Variants in EDIL3 observed in about 807,000 individuals in gnomAD.
EDIL3 encodes EGF-like repeat and discoidin I-like domain-containing protein 3.
EDIL3 carries 37 observed loss-of-function variants against 67.4 expected under a neutral mutation model. That is an observed-to-expected ratio of 0.55 (90% CI 0.42 to 0.72). EDIL3 has a LOEUF of 0.72. Ranked by LOEUF, EDIL3 falls within the 30% of genes least tolerant of loss-of-function variation. The pLI, the probability that EDIL3 is intolerant of heterozygous loss-of-function variation, is 0.00. For synonymous variants in EDIL3, 195 were observed against 196.3 expected (o/e 0.99, Z 0.05); for missense variants, 527 against 586.3 (o/e 0.90, Z 1.04).
At chr5:84,089,501 T>C (rs1201176796) in intron 6 of EDIL3, among the ~76,000 whole-genome samples, 3 of 152,226 alleles carry the variant, frequency 2.0e-5, no homozygotes, top group Non-Finnish European at 4.4e-5. Flanking sequence ...CTAGCTGGTA[T>C]CCTTGCTCAT....
At chr5:84,305,650 C>T (rs896187561) in intron 1 of EDIL3, among the ~76,000 whole-genome samples, 8 of 152,142 alleles carry the variant, frequency 5.3e-5, no homozygotes, top group African/African-American at 9.7e-5. Context: ...GAGGCCAAGA[C>T]GCGCGGCTCA....
intron 5 of EDIL3, among the ~76,000 whole-genome samples, chr5:84,133,680 A>AT (rs1286126832): frequency 6.6e-6 from 1 of 151,994 alleles, no homozygotes; most frequent in African/African-American, 2.4e-5. Flanking sequence ...TAGGACTTTA[A>AT]TTAGAAGAAT....
chr5:84,095,966 T>C, intron 6 of EDIL3, among the ~76,000 whole-genome samples: 1 of 152,070 alleles, frequency 6.6e-6, no homozygotes, highest in East Asian at 1.9e-4. Context: ...AATAAATCGT[T>C]ACAAATTTCT....
At chr5:84,013,737 T>C (rs1234416852) in intron 9 of EDIL3, among the ~76,000 whole-genome samples, 2 of 152,180 alleles carry the variant, frequency 1.3e-5, no homozygotes, top group Admixed American at 6.5e-5. Context: ...CGAGCTCACA[T>C]TGAATGGTGT....
At chr5:84,276,870 C>T (rs764957942) in intron 1 of EDIL3, among the ~76,000 whole-genome samples, 2 of 152,010 alleles carry the variant, frequency 1.3e-5, no homozygotes, top group Non-Finnish European at 2.9e-5. Context: ...ACACGCCTGC[C>T]GATGATATAC....
At chr5:83,986,298 A>G (rs1252323351) in intron 9 of EDIL3, among the ~76,000 whole-genome samples, 2 of 152,176 alleles carry the variant, frequency 1.3e-5, no homozygotes, top group Non-Finnish European at 2.9e-5. Context: ...TTATATTACC[A>G]AGTGTCTTCC....
intron 1 of EDIL3, among the ~76,000 whole-genome samples, chr5:84,332,763 A>G (rs1441106969): frequency 2.6e-5 from 4 of 152,168 alleles, no homozygotes; most frequent in Non-Finnish European, 5.9e-5. Flanking sequence ...TCTTATATTT[A>G]AGGTGCAAAC....
intron 6 of EDIL3, among the ~76,000 whole-genome samples, chr5:84,095,864 T>A (rs1295842388): frequency 6.6e-6 from 1 of 152,176 alleles, no homozygotes; most frequent in Non-Finnish European, 1.5e-5. Flanking sequence ...TGGCAGCCCC[T>A]CCCATCATAG....
At chr5:84,119,816 A>C (rs1479101721) in intron 5 of EDIL3, among the ~76,000 whole-genome samples, 1 of 151,984 alleles carries the variant, frequency 6.6e-6, no homozygotes, top group Non-Finnish European at 1.5e-5. Flanking sequence ...TGAATTCCAC[A>C]AATGAGAGTA....
At position 84,290,582 on chromosome 5, in the gene EDIL3, T is replaced by C. The variant is rs116092483; in HGVS notation, c.68-36370A>G. Among the ~76,000 whole-genome samples the C allele has an allele frequency of 6.3e-3, 963 of 152,254 alleles. 1 individual carries two copies. Among genetic ancestry groups the C allele is most frequent in the Non-Finnish European group, 9.8e-3 (669 of 68,016 alleles). On this transcript the variant is annotated intron_variant, in intron 1 of 10. Transcript: ENST00000296591. ...CCTCCCTGTACCAGGAAGAAAGAAA[T>C]ATTTTTCTTACCAGAGATGGTGAGT... is the stretch of plus-strand genomic sequence containing the variant.
intron 1 of EDIL3, among the ~76,000 whole-genome samples, chr5:84,358,373 G>A (rs1747530128): frequency 6.6e-6 from 1 of 152,112 alleles, no homozygotes; most frequent in Non-Finnish European, 1.5e-5. Context: ...AAGTTGCCCT[G>A]AAAGCAAGAA....
chr5:84,019,132 C>T (rs1580282103), intron 9 of EDIL3, among the ~76,000 whole-genome samples: 1 of 152,194 alleles, frequency 6.6e-6, no homozygotes, highest in East Asian at 1.9e-4. Context: ...ACAGCAAAGA[C>T]TTGGAACCAA....
rs562158447 is a variant in EDIL3 at position 84,273,263 on chromosome 5, C to T, written c.68-19051G>A. Among the ~76,000 whole-genome samples the T allele has an allele frequency of 7.2e-5, 11 of 152,210 alleles. No homozygotes were observed. In the South Asian group the frequency reaches 2.1e-3, roughly 29 times the overall value. ...CCTGACCCAATTCCTATCTTTAGGG[C>T]GCTAATGGTCCCAAGCCTGAGTTCC... On this transcript the variant is annotated intron_variant, in intron 1 of 10. Transcript: ENST00000296591.
intron 1 of EDIL3, among the ~76,000 whole-genome samples, chr5:84,285,258 G>A (rs1428419420): frequency 6.6e-6 from 1 of 152,154 alleles, no homozygotes; most frequent in African/African-American, 2.4e-5. Context: ...CATTAATTAA[G>A]TAAAGTACAT....
At chr5:84,260,820 T>C (rs938378811) in intron 1 of EDIL3, among the ~76,000 whole-genome samples, 16 of 152,120 alleles carry the variant, frequency 1.1e-4, no homozygotes, top group African/African-American at 3.4e-4. Flanking sequence ...TATACAGATA[T>C]AGAAGTAAAA....
At chr5:84,203,888 C>T (rs1325696852) in intron 3 of EDIL3, among the ~76,000 whole-genome samples, 1 of 152,070 alleles carries the variant, frequency 6.6e-6, no homozygotes, top group Non-Finnish European at 1.5e-5. Flanking sequence ...TCTGTAGAAA[C>T]ATTTTTTAAA....
chr5:84,258,047 T>C (rs1019197983), intron 1 of EDIL3, among the ~76,000 whole-genome samples: 3 of 152,182 alleles, frequency 2.0e-5, no homozygotes, highest in African/African-American at 7.2e-5. Context: ...GGGTGGACAG[T>C]GGCAATAGAA....
chr5:84,059,398 T>C (rs1746503840), intron 9 of EDIL3, among the ~76,000 whole-genome samples: 2 of 151,982 alleles, frequency 1.3e-5, no homozygotes, highest in Non-Finnish European at 2.9e-5. Flanking sequence ...GTGAGCCCTG[T>C]CTCAAAAAAG....
At chr5:84,218,029 C>T (rs1463085772) in intron 3 of EDIL3, among the ~76,000 whole-genome samples, 1 of 152,068 alleles carries the variant, frequency 6.6e-6, no homozygotes, top group Non-Finnish European at 1.5e-5. Flanking sequence ...TTTCAGAAGA[C>T]ATTTAATCAA....
Sources: allele counts gnomAD v4.1 joint callset (sites outside exome capture counted in the v4.1 genomes callset), GRCh38; gene constraint gnomAD v4.1.1; transcripts MANE v1.5; gene names NCBI Gene and HGNC (gene_info 2026-07-23, HGNC 2026-07-21).